PHLDB3: variants seen among roughly 807,000 people sequenced by gnomAD.
PHLDB3 encodes the protein pleckstrin homology like domain family B member 3, also known as pleckstrin homology-like domain family B member 3.
A neutral mutation model predicts 85.7 loss-of-function variants in PHLDB3; 86 were observed. The observed-to-expected ratio is 1.00, with a 90% CI of 0.84 to 1.20. The LOEUF (loss-of-function observed/expected upper bound fraction) is 1.20. Among genes scored for constraint, PHLDB3 ranks in the 50% most tolerant of loss-of-function variants. The pLI, the probability that PHLDB3 is intolerant of heterozygous loss-of-function variation, is 0.00. For missense variants in PHLDB3, 995 were observed against 873.0 expected, an observed-to-expected ratio of 1.14 and a Z score of -1.76; for synonymous variants, 376 against 349.8, an observed-to-expected ratio of 1.07 and a Z score of -0.83.
At chr19:43,501,258 A>G (rs1426551472) in intron 4 of PHLDB3, among the ~76,000 whole-genome samples, 1 of 135,242 alleles carries the variant, frequency 7.4e-6, no homozygotes, top group East Asian at 2.1e-4. Context: ...ATCTTGGCTC[A>G]CTGCAACCTC....
At chr19:43,484,290 A>C (rs952379533) in intron 13 of PHLDB3, among the ~76,000 whole-genome samples, 2 of 151,618 alleles carry the variant, frequency 1.3e-5, no homozygotes, top group Non-Finnish European at 2.9e-5. Flanking sequence ...ATAATAAATA[A>C]ATTTTTAAAA....
chr19:43,503,877 C>T (rs759305679), intron 2 of PHLDB3, 29 bp downstream of exon 2: 1 of 1,612,918 alleles, frequency 6.2e-7, no homozygotes, highest in Non-Finnish European at 8.5e-7. Flanking sequence ...GGTCCAAGCC[C>T]CCCGCGCTGT....
chr19:43,504,451 A>C, intron 1 of PHLDB3, 138 bp downstream of exon 1: 26 of 386,956 alleles, frequency 6.7e-5, no homozygotes, highest in East Asian at 1.5e-4. Flanking sequence ...GCCCCCTACA[A>C]TCTCTTGGAT....
chr19:43,501,410 C>T lies in PHLDB3; in HGVS notation c.534+324G>A, dbSNP rs1345119371. ...ATGTTGCCCAGGCTGGTCTCAAACT[C>T]CTGAGCTCAGGCAATCCGCCCGCCT... On this transcript the variant is annotated intron_variant, in intron 4 of 15. Transcript: ENST00000292140. The T allele has an allele frequency of 1.5e-5, 5 of 341,668 alleles. No individual in the cohort carries two copies. In the East Asian group the frequency reaches 4.1e-4, roughly 28 times the overall value. The allele number at this position is 341,668 out of a possible 1,614,324, so 21.2% of individuals were successfully genotyped here.
In PHLDB3 at chr19:43,504,130, C is replaced by T. The variant is rs1400164059; in HGVS notation, c.-12G>A. On this transcript the variant is annotated splice_region_variant and 5_prime_UTR_variant, in exon 2 of 16. Coordinates refer to ENST00000292140, the MANE Select transcript of PHLDB3 (RefSeq NM_198850.4). ...CTTCGCGTCCCCATGGCCGCTGGGA[C>T]TCCTGCGGGGTGGGCGGGACCAGAA... is the stretch of plus-strand genomic sequence containing the variant. 79 of 1,580,482 alleles carry T rather than the reference C, an allele frequency of 5.0e-5. No homozygotes were observed. The highest frequency in any genetic ancestry group is 6.5e-5 in the Non-Finnish European group (76 of 1,164,818).
At chr19:43,483,323 T>C (rs951332360) in intron 13 of PHLDB3, among the ~76,000 whole-genome samples, 1 of 151,998 alleles carries the variant, frequency 6.6e-6, no homozygotes, top group African/African-American at 2.4e-5. Context: ...TCACTGAAGC[T>C]GGAGTGCAGT....
Position 43,475,343 on chromosome 19 carries a change from A to G in PHLDB3, c.*67T>C. Reference sequence around the variant, plus strand: ...AGTTTTCCGGCAGTGGGCGGGGCCTAGGAACGCCCCCGCGCCCCGCGCCGG... The same window carrying G: ...AGTTTTCCGGCAGTGGGCGGGGCCTGGGAACGCCCCCGCGCCCCGCGCCGG... On this transcript the variant is annotated 3_prime_UTR_variant, in exon 16 of 16. Transcript: ENST00000292140. 1.3e-6 allele frequency: 2 copies of G among 1,579,424 alleles called. No homozygotes were observed. The highest frequency in any genetic ancestry group is 1.7e-6 in the Non-Finnish European group (2 of 1,159,998).
Position 43,482,581 on chromosome 19 carries a change from C to G in PHLDB3, c.1486-2988G>C, listed in dbSNP as rs1971070243. 2.0e-5 allele frequency among the ~76,000 whole-genome samples: 3 copies of G among 152,178 alleles called. No homozygotes were observed. The East Asian group carries it at 5.8e-4, about 29-fold the overall frequency. On this transcript the variant is annotated intron_variant, in intron 13 of 15. Coordinates refer to ENST00000292140, the MANE Select transcript of PHLDB3 (RefSeq NM_198850.4). ...TGAGACAGAGTCTCGCTCTGTCACC[C>G]AGGCTGGAGAGCAGTGGTGTGATCT...
At chr19:43,499,949 C>T (rs549793058) in intron 4 of PHLDB3, among the ~76,000 whole-genome samples, 1 of 152,132 alleles carries the variant, frequency 6.6e-6, no homozygotes, top group East Asian at 1.9e-4. Context: ...TCATGTTGGC[C>T]AGGCTGGCCT....
chr19:43,500,909 A>ACCCCCCCCCCCCCCCCC lies in PHLDB3; in HGVS notation c.534+824_534+825insGGGGGGGGGGGGGGGGG, dbSNP rs1248570317. Among the ~76,000 whole-genome samples the ACCCCCCCCCCCCCCCCC allele has an allele frequency of 5.8e-4, 10 of 17,150 alleles. 1 individual carries two copies. The highest frequency in any genetic ancestry group is 1.2e-3 in the Admixed American group (2 of 1,630). The allele number at this position is 17,150 out of a possible 152,430, so 11.3% of individuals were successfully genotyped here. The stretch of plus-strand genomic sequence containing the variant: ...CCTCCCACTTTGCCCCGCCCCCCGT[A>ACCCCCCCCCCCCCCCCC]CCCCCCCCCCACCCCGCAAGTACTG... On this transcript the variant is annotated intron_variant, in intron 4 of 15. Transcript: ENST00000292140.
intron 13 of PHLDB3, among the ~76,000 whole-genome samples, chr19:43,480,530 T>C (rs750177362): frequency 2.0e-5 from 3 of 152,030 alleles, no homozygotes; most frequent in East Asian, 1.9e-4. Flanking sequence ...GAGATCGAAA[T>C]TGCATTGAGC....
intron 9 of PHLDB3, among the ~76,000 whole-genome samples, chr19:43,489,338 G>T (rs956764163): frequency 3.3e-5 from 5 of 151,054 alleles, no homozygotes; most frequent in Admixed American, 2.0e-4. Context: ...CTGCACTCCA[G>T]CCTGGGCGAC....
chr19:43,504,121 C>G lies in PHLDB3; in HGVS notation c.-3G>C, dbSNP rs1200271139. 6.3e-7 allele frequency: 1 copy of G among 1,591,304 alleles called. No homozygotes were observed. The highest frequency in any genetic ancestry group is 8.5e-7 in the Non-Finnish European group (1 of 1,169,842). ...TCGGGGCTGCTTCGCGTCCCCATGG[C>G]CGCTGGGACTCCTGCGGGGTGGGCG... On this transcript the variant is annotated 5_prime_UTR_variant, in exon 2 of 16. Coordinates refer to ENST00000292140, the MANE Select transcript of PHLDB3 (RefSeq NM_198850.4).
intron 9 of PHLDB3, among the ~76,000 whole-genome samples, chr19:43,489,553 C>T (rs1971266005): frequency 6.6e-6 from 1 of 152,038 alleles, no homozygotes; most frequent in South Asian, 2.1e-4. Context: ...GGAACAAGAG[C>T]CGCAGAGTCT....
At chr19:43,504,250 A>C (rs1051164661) in intron 1 of PHLDB3, 118 bp from the exon 2 acceptor site, 2 of 949,268 alleles carry the variant, frequency 2.1e-6, no homozygotes. Flanking sequence ...TAAGAGTTCA[A>C]AGGATGGAAC....
At chr19:43,497,347 G>T in intron 5 of PHLDB3, 68 bp from the exon 6 acceptor site, 2 of 1,245,794 alleles carry the variant, frequency 1.6e-6, no homozygotes, top group Non-Finnish European at 1.1e-6. Context: ...GTGGGCTGGG[G>T]CTGGGACTCC....
chr19:43,485,298 C>T (rs1364995170), intron 13 of PHLDB3, among the ~76,000 whole-genome samples: 1 of 151,696 alleles, frequency 6.6e-6, no homozygotes, highest in East Asian at 1.9e-4. Flanking sequence ...CTGCAACCTG[C>T]ACCTCCCAGG....
intron 9 of PHLDB3, among the ~76,000 whole-genome samples, chr19:43,493,305 A>AATAG (rs1555755907): frequency 6.6e-6 from 1 of 150,720 alleles, no homozygotes; most frequent in Non-Finnish European, 1.5e-5. Context: ...TAAATAAATA[A>AATAG]ATAAATAAAT....
At chr19:43,489,698 A>G (rs1971269661) in intron 9 of PHLDB3, among the ~76,000 whole-genome samples, 2 of 152,096 alleles carry the variant, frequency 1.3e-5, no homozygotes, top group Admixed American at 1.3e-4. Flanking sequence ...TTTTTTGTGA[A>G]TTTTTTGCTA....
Sources: allele counts gnomAD v4.1 joint callset (sites outside exome capture counted in the v4.1 genomes callset), GRCh38; gene constraint gnomAD v4.1.1; transcripts MANE v1.5; gene names NCBI Gene and HGNC (gene_info 2026-07-23, HGNC 2026-07-21).